SLC38A7: variants seen among roughly 807,000 people sequenced by gnomAD.
SLC38A7 encodes the protein solute carrier family 38 member 7.
Under a neutral mutation model 50.1 loss-of-function variants are expected in SLC38A7, and 29 were observed. That is an observed-to-expected ratio of 0.58 (90% CI 0.43 to 0.79). The LOEUF (loss-of-function observed/expected upper bound fraction) is 0.79, where lower values mean the gene tolerates loss of function less well. SLC38A7 is among the 30% of genes least tolerant of loss of function. The pLI is 0.00. For synonymous variants in SLC38A7, 244 were observed against 245.9 expected (o/e 0.99, Z 0.07); for missense variants, 483 against 610.6 (o/e 0.79, Z 2.20).
chr16:58,677,746 G>A (rs550647928), intron 5 of SLC38A7, among the ~76,000 whole-genome samples: 14 of 152,150 alleles, frequency 9.2e-5, no homozygotes, highest in African/African-American at 3.4e-4. Flanking sequence ...AGCCCAGCCC[G>A]GGCAGGGGCT....
In SLC38A7 at chr16:58,671,166, T is replaced by A; in HGVS notation, c.1110A>T (p.Arg370=). 6.2e-7 allele frequency: 1 copy of A among 1,613,776 alleles called. No individual in the cohort carries two copies. The highest frequency in any genetic ancestry group is 1.3e-5 in the African/African-American group (1 of 75,018). ...GGAACCAGACCAGCGTCTGCAGCACTCGCCGCCGCCGCTCCCGCCCCACGT... is the reference window on the plus strand; with the variant it reads ...GGAACCAGACCAGCGTCTGCAGCACACGCCGCCGCCGCTCCCGCCCCACGT... The part of the protein sequence containing the change: ...EEDVGRERRR[R]VLQTLVWFLL... Residue 370 remains arginine (R), a synonymous_variant, in exon 10 of 12, where the codon CGA becomes CGT. Coordinates refer to ENST00000219320, the MANE Select transcript of SLC38A7 (RefSeq NM_018231.3).
chr16:58,667,137 A>C lies in SLC38A7; in HGVS notation c.*248T>G. 1 of 509,646 alleles carries C rather than the reference A, an allele frequency of 2.0e-6. No individual in the cohort carries two copies. Among genetic ancestry groups the C allele is most frequent in the Non-Finnish European group, 3.5e-6 (1 of 287,260 alleles). 31.6% of individuals were successfully genotyped at this position (509,646 alleles called of 1,614,324 possible). On this transcript the variant is annotated 3_prime_UTR_variant, in exon 12 of 12. Coordinates refer to ENST00000219320, the MANE Select transcript of SLC38A7 (RefSeq NM_018231.3). ...AGAAGTTGAGAACTGGGAGAGGAGGAGGGGTCCTCTATGATGTGAGACTTC... is the reference window on the plus strand; with the variant it reads ...AGAAGTTGAGAACTGGGAGAGGAGGCGGGGTCCTCTATGATGTGAGACTTC...
rs536983320 is a variant in SLC38A7 at position 58,672,061 on chromosome 16, C to A, written c.1031+35G>T. ...ACCATGTTGGAAGCGCTCACAGGGG[C>A]TAGGAGGGGCCCTGGGGAGTGGAAG... On this transcript the variant is annotated intron_variant, in intron 9 of 11. Coordinates refer to ENST00000219320, the MANE Select transcript of SLC38A7 (RefSeq NM_018231.3). The A allele has an allele frequency of 1.7e-5, 26 of 1,536,388 alleles. 1 individual carries two copies. The South Asian group carries it at 3.2e-4, about 19-fold the overall frequency.
In SLC38A7 at chr16:58,672,098, C is replaced by T; in HGVS notation, c.1029G>A (p.Gly343=). 6.4e-7 allele frequency: 1 copy of T among 1,555,324 alleles called. No homozygotes were observed. Among genetic ancestry groups the T allele is most frequent in the South Asian group, 1.2e-5 (1 of 84,124 alleles). ...LTSYPILHFC[G]RAVVEGLWLR... is the part of the protein sequence containing the mutation. Reference sequence around the variant, plus strand: ...CTGGGGAGTGGAAGGGGGCTCACCGCCCACAGAAGTGCAGGATAGGGTAGG... The same window carrying T: ...CTGGGGAGTGGAAGGGGGCTCACCGTCCACAGAAGTGCAGGATAGGGTAGG... The change falls in exon 9 of 12, where the codon GGG becomes GGA. Residue 343 remains glycine, a splice_region_variant and synonymous_variant. Coordinates refer to ENST00000219320, the MANE Select transcript of SLC38A7 (RefSeq NM_018231.3).
At chr16:58,673,262 G>A (rs889322716) in intron 8 of SLC38A7, among the ~76,000 whole-genome samples, 13 of 146,238 alleles carry the variant, frequency 8.9e-5, no homozygotes, top group African/African-American at 3.1e-4. Context: ...TTGAGATGGA[G>A]TTTTGCTCTT....
intron 11 of SLC38A7, among the ~76,000 whole-genome samples, chr16:58,669,691 C>G (rs778214165): frequency 2.6e-5 from 4 of 151,904 alleles, no homozygotes; most frequent in African/African-American, 4.8e-5. Context: ...CAACAACAAC[C>G]TGGCTGGGTG....
rs1480466904 is a variant in SLC38A7 at position 58,678,801 on chromosome 16, C to A, written c.364G>T (p.Val122Leu). 6.2e-7 allele frequency: 1 copy of A among 1,614,234 alleles called. No homozygotes were observed. The highest frequency in any genetic ancestry group is 1.7e-5 in the Admixed American group (1 of 60,024). ...ERTYQEVVWAVCGKLTGVLCE... is the reference protein window; with the variant it reads ...ERTYQEVVWALCGKLTGVLCE... ...AGCACACCTGTCAGCTTGCCACACA[C>A]AGCCCATACCACCTCCTGGTAGGTC... The change falls in exon 4 of 12, where the codon GTG becomes TTG. Residue 122 changes from valine to leucine, a missense_variant. Val to Leu is a conservative substitution (Grantham distance 32). Transcript: ENST00000219320. The surrounding 1 kb of genome is among the most constrained non-coding windows in gnomAD (Gnocchi z 4.0).
rs1482671967 is a variant in SLC38A7, at chr16:58,667,500, G to C, written c.1287-13C>G. Reference sequence around the variant, plus strand: ...CAGCACCCACCAGCTGTAGAACAGAGGGTGAGAGAGGTCTGATCAGTCATC... The same window carrying C: ...CAGCACCCACCAGCTGTAGAACAGACGGTGAGAGAGGTCTGATCAGTCATC... On this transcript the variant is annotated splice_polypyrimidine_tract_variant and intron_variant, in intron 11 of 11. Transcript: ENST00000219320. The C allele has an allele frequency of 6.3e-7, 1 of 1,587,426 alleles. No individual in the cohort carries two copies. Among genetic ancestry groups the C allele is most frequent in the Non-Finnish European group, 8.6e-7 (1 of 1,165,218 alleles).
In SLC38A7 at chr16:58,678,972, T is replaced by C; in HGVS notation, c.271-78A>G. 1 of 1,431,904 alleles carries C rather than the reference T, an allele frequency of 7.0e-7. No homozygotes were observed. The allele number at this position is 1,431,904 out of a possible 1,614,324, so 88.7% of individuals were successfully genotyped here. A position where few individuals can be genotyped will look rare whatever the true frequency, so the allele number is the denominator to read the frequency against. On this transcript the variant is annotated intron_variant, in intron 3 of 11. Transcript: ENST00000219320. This position sits in a 1 kb window ranked among gnomAD's most constrained non-coding sequence, Gnocchi z 4.0. ...CACCCTGGGCTCGCCTAGCATTTAC[T>C]GGGCCAGTGCCCAAAGCAAGCTTGG... is the stretch of plus-strand genomic sequence containing the variant.
chr16:58,667,510 GGTCTGATCA>G (rs2044064115), intron 11 of SLC38A7, 23 bp from the exon 12 acceptor site: 5 of 1,558,556 alleles, frequency 3.2e-6, no homozygotes, highest in Non-Finnish European at 4.4e-6. Context: ...GGGTGAGAGA[GGTCTGATCA>G]GTCATCCCAT....
At chr16:58,681,455 C>T (rs573184235) in intron 2 of SLC38A7, 1 of 152,160 alleles carries the variant, frequency 6.6e-6, no homozygotes, top group South Asian at 2.1e-4. Context: ...CCAAGAATCT[C>T]GAGAGGCTCT....
At chr16:58,668,523 C>T (rs978217691) in intron 11 of SLC38A7, among the ~76,000 whole-genome samples, 4 of 150,546 alleles carry the variant, frequency 2.7e-5, no homozygotes, top group African/African-American at 4.9e-5. Flanking sequence ...GGTGACAGAG[C>T]GAGATTCCAT....
At chr16:58,668,053 G>A (rs2044077097) in intron 11 of SLC38A7, among the ~76,000 whole-genome samples, 1 of 151,836 alleles carries the variant, frequency 6.6e-6, no homozygotes, top group Admixed American at 6.6e-5. Flanking sequence ...TGTAATTCCA[G>A]CACTTTGGGA....
At chr16:58,676,377 T>C (rs1567472720) in intron 6 of SLC38A7, 31 bp from the exon 7 acceptor site, 1 of 1,613,852 alleles carries the variant, frequency 6.2e-7, no homozygotes, top group Admixed American at 1.7e-5. Context: ...TGCTGCCACC[T>C]GGGAACCCCT....
intron 8 of SLC38A7, among the ~76,000 whole-genome samples, chr16:58,673,681 T>TTA (rs1555506549): frequency 0.14 from 21,287 of 148,956 alleles, 1,601 homozygotes; most frequent in East Asian, 0.25. Flanking sequence ...TTTTTTTTTT[T>TTA]AAAGACAGGA....
intron 11 of SLC38A7, 60 bp downstream of exon 11, chr16:58,670,053 C>G: frequency 1.3e-6 from 2 of 1,535,976 alleles, no homozygotes; most frequent in Non-Finnish European, 1.8e-6. Flanking sequence ...AAGGCCCCCA[C>G]AAAGCCACAT....
intron 8 of SLC38A7, 112 bp from the exon 9 acceptor site, chr16:58,672,355 C>A: frequency 8.5e-7 from 1 of 1,179,650 alleles, no homozygotes; most frequent in South Asian, 1.6e-5. Flanking sequence ...GCTCTGGACA[C>A]TTAGACGGAG....
chr16:58,672,991 G>A (rs1306832994), intron 8 of SLC38A7, among the ~76,000 whole-genome samples: 3 of 150,932 alleles, frequency 2.0e-5, no homozygotes, highest in African/African-American at 4.9e-5. Context: ...GCGGTGGCAC[G>A]ATCTCGGCTC....
chr16:58,671,716 C>T, intron 9 of SLC38A7: 1 of 213,340 alleles, frequency 4.7e-6, no homozygotes, highest in Non-Finnish European at 9.5e-6. Flanking sequence ...ACCACAGGTG[C>T]ATCCCACCAC....
Sources: allele counts gnomAD v4.1 joint callset (sites outside exome capture counted in the v4.1 genomes callset), GRCh38; gene constraint gnomAD v4.1.1; non-coding constraint Gnocchi (gnomAD v3.1); transcripts MANE v1.5; gene names NCBI Gene and HGNC (gene_info 2026-07-23, HGNC 2026-07-21).